Variants in WWOX observed in about 807,000 individuals in gnomAD.
The protein encoded by WWOX is WW domain-containing oxidoreductase.
Under a neutral mutation model 46.2 loss-of-function variants are expected in WWOX, and 69 were observed. That is an observed-to-expected ratio of 1.49 (90% CI 1.23 to 1.82). The LOEUF (loss-of-function observed/expected upper bound fraction) is 1.82, where lower values mean the gene tolerates loss of function less well. WWOX is among the 40% of genes most tolerant of loss of function. The pLI, the probability that WWOX is intolerant of heterozygous loss-of-function variation, is 0.00. For synonymous variants in WWOX, 359 were observed against 202.6 expected (o/e 1.77, Z -6.56); for missense variants, 919 against 542.6 (o/e 1.69, Z -6.89).
At position 78,760,169 on chromosome 16, in the gene WWOX, G is replaced by A. The variant is rs568574841; in HGVS notation, c.1056+327417G>A. 5.3e-5 allele frequency among the ~76,000 whole-genome samples: 8 copies of A among 152,268 alleles called. No individual in the cohort carries two copies. In the East Asian group the frequency reaches 9.7e-4, roughly 18 times the overall value. Reference sequence around the variant, plus strand: ...GGAAGGCAAAAGGCACATCTCACACGGCAGCAGACGAGAGAGAGTGACAGC... The same window carrying A: ...GGAAGGCAAAAGGCACATCTCACACAGCAGCAGACGAGAGAGAGTGACAGC... On this transcript the variant is annotated intron_variant, in intron 8 of 8. Transcript: ENST00000566780.
intron 8 of WWOX, among the ~76,000 whole-genome samples, chr16:78,795,625 A>G (rs938985761): frequency 6.6e-6 from 1 of 152,164 alleles, no homozygotes; most frequent in African/African-American, 2.4e-5. Flanking sequence ...CTAATGGAAC[A>G]CTCATGTATA....
intron 8 of WWOX, among the ~76,000 whole-genome samples, chr16:78,728,223 C>G (rs539295329): frequency 6.6e-6 from 1 of 151,622 alleles, no homozygotes; most frequent in East Asian, 2.0e-4. Flanking sequence ...TGCCACTACA[C>G]CTAGTTGATT....
At chr16:78,739,164 A>G (rs1292658493) in intron 8 of WWOX, among the ~76,000 whole-genome samples, 3 of 152,018 alleles carry the variant, frequency 2.0e-5, no homozygotes, top group Non-Finnish European at 4.4e-5. Context: ...TCCCAGAGCT[A>G]GGACCATGAC....
At chr16:78,263,074 C>T (rs4544256) in intron 5 of WWOX, among the ~76,000 whole-genome samples, 8,296 of 152,210 alleles carry the variant, frequency 0.055, 331 homozygotes, top group East Asian at 0.17. Flanking sequence ...TTCCATTCCA[C>T]AGTGTAGCAA....
chr16:78,951,824 T>G (rs1047052811), intron 8 of WWOX, among the ~76,000 whole-genome samples: 3 of 151,928 alleles, frequency 2.0e-5, no homozygotes, highest in African/African-American at 7.3e-5. Context: ...CTGAGCAGAG[T>G]AAGAGGCAGT....
intron 8 of WWOX, among the ~76,000 whole-genome samples, chr16:78,789,986 A>C (rs1567561213): frequency 6.6e-6 from 1 of 152,160 alleles, no homozygotes; most frequent in Non-Finnish European, 1.5e-5. Context: ...CTGACTATAA[A>C]ATGCTAACAA....
chr16:78,397,524 C>T (rs761529887), intron 6 of WWOX, among the ~76,000 whole-genome samples: 6 of 152,198 alleles, frequency 3.9e-5, no homozygotes, highest in African/African-American at 9.6e-5. Flanking sequence ...GCTAGAACTT[C>T]GTCCAAAATC....
intron 8 of WWOX, among the ~76,000 whole-genome samples, chr16:78,922,439 C>T (rs188615620): frequency 6.7e-5 from 10 of 149,866 alleles, no homozygotes; most frequent in African/African-American, 2.0e-4. Context: ...AGTGCAGTGG[C>T]GTGACCTTGG....
intron 8 of WWOX, among the ~76,000 whole-genome samples, chr16:78,604,330 G>A (rs1157525048): frequency 6.6e-6 from 1 of 152,008 alleles, no homozygotes; most frequent in Non-Finnish European, 1.5e-5. Context: ...GACTTCTCTA[G>A]CCCTCATGAA....
chr16:78,253,506 A>G (rs745638942), intron 5 of WWOX, among the ~76,000 whole-genome samples: 6 of 152,182 alleles, frequency 3.9e-5, no homozygotes, highest in Admixed American at 6.5e-5. Flanking sequence ...GCAGAACTGG[A>G]TGATGGAAGT....
chr16:79,135,148 C>T (rs1340242175), intron 8 of WWOX, among the ~76,000 whole-genome samples: 1 of 152,048 alleles, frequency 6.6e-6, no homozygotes. Flanking sequence ...TCTTCTTATA[C>T]CTCCAAAATA....
chr16:78,834,265 T>G (rs1452575221), intron 8 of WWOX, among the ~76,000 whole-genome samples: 1 of 152,214 alleles, frequency 6.6e-6, no homozygotes, highest in Non-Finnish European at 1.5e-5. Flanking sequence ...AAAAGGCTGA[T>G]CTGGGACCAT....
At chr16:78,692,774 G>T (rs919537133) in intron 8 of WWOX, among the ~76,000 whole-genome samples, 1 of 152,212 alleles carries the variant, frequency 6.6e-6, no homozygotes, top group Non-Finnish European at 1.5e-5. Context: ...AGGTTTCCCT[G>T]TTGGGGGTAC....
intron 8 of WWOX, among the ~76,000 whole-genome samples, chr16:79,190,181 C>T (rs550847851): frequency 1.1e-4 from 17 of 151,920 alleles, no homozygotes; most frequent in Non-Finnish European, 1.9e-4. Context: ...TGCAACACCA[C>T]GCCTGGCTAA....
At chr16:79,099,169 G>T (rs1381592620) in intron 8 of WWOX, among the ~76,000 whole-genome samples, 2 of 152,168 alleles carry the variant, frequency 1.3e-5, no homozygotes, top group African/African-American at 4.8e-5. Flanking sequence ...TCACTACCAT[G>T]AGGATGGCAT....
At chr16:78,577,245 G>A (rs568192631) in intron 8 of WWOX, among the ~76,000 whole-genome samples, 1 of 152,298 alleles carries the variant, frequency 6.6e-6, no homozygotes, top group African/African-American at 2.4e-5. Flanking sequence ...GGAGGTGAGA[G>A]GATGGAAAAT....
chr16:78,974,688 A>G (rs2046536899), intron 8 of WWOX, among the ~76,000 whole-genome samples: 7 of 152,194 alleles, frequency 4.6e-5, no homozygotes, highest in Admixed American at 4.6e-4. Context: ...TTCTGTGGCT[A>G]CCTAATGGTG....
chr16:79,032,677 T>TAC (rs1431754494), intron 8 of WWOX, among the ~76,000 whole-genome samples: 2 of 150,016 alleles, frequency 1.3e-5, no homozygotes, highest in Non-Finnish European at 3.0e-5. Flanking sequence ...TATATATATA[T>TAC]ATATACACAC....
intron 8 of WWOX, among the ~76,000 whole-genome samples, chr16:78,869,369 G>A (rs533056283): frequency 3.3e-4 from 50 of 152,216 alleles, no homozygotes; most frequent in African/African-American, 1.2e-3. Flanking sequence ...ACTGCAACCT[G>A]TTTTTCCTAC....
Sources: gnomAD v4.1 joint callset for allele counts (sites outside exome capture counted in the v4.1 genomes callset) on GRCh38, gnomAD v4.1.1 for gene constraint, MANE v1.5 for transcripts, NCBI Gene and HGNC (gene_info 2026-07-23, HGNC 2026-07-21) for gene names.